The following ATF1 variants were observed in gnomAD, a reference collection of about 807,000 sequenced individuals.
ATF1 encodes the protein cyclic AMP-dependent transcription factor ATF-1.
Under a neutral mutation model 34.7 loss-of-function variants are expected in ATF1, and 16 were observed. The ratio of observed to expected loss-of-function variants is 0.46; its 90% CI spans 0.31 to 0.70. ATF1 has a LOEUF of 0.70. Among genes scored for constraint, ATF1 ranks in the 30% least tolerant of loss-of-function variants. The probability of loss-of-function intolerance (pLI) is 0.05; values close to 1 mark genes in which losing one functional copy is unlikely to be tolerated. For synonymous variants in ATF1, 105 were observed against 113.1 expected (o/e 0.93, Z 0.46); for missense variants, 255 against 321.6 (o/e 0.79, Z 1.58).
At chr12:50,765,400 A>T (rs1198254387) in intron 1 of ATF1, among the ~76,000 whole-genome samples, 1 of 152,238 alleles carries the variant, frequency 6.6e-6, no homozygotes, top group Non-Finnish European at 1.5e-5. Context: ...GTTATCTTTT[A>T]GGGTTAGGTT....
At chr12:50,799,091 A>C (rs914871797) in intron 3 of ATF1, among the ~76,000 whole-genome samples, 3 of 152,198 alleles carry the variant, frequency 2.0e-5, no homozygotes, top group African/African-American at 7.2e-5. Flanking sequence ...ATACCTTCTA[A>C]AACAAGAATA....
At chr12:50,780,652 TAAAA>T (rs112410474) in intron 2 of ATF1, among the ~76,000 whole-genome samples, 1 of 139,722 alleles carries the variant, frequency 7.2e-6, no homozygotes, top group Non-Finnish European at 1.5e-5. Flanking sequence ...GCATTAATGT[TAAAA>T]AAAAAAAAAA....
In ATF1 at chr12:50,780,175, A is replaced by G; in HGVS notation, c.30A>G (p.Ser10=). 5 of 1,613,788 alleles carry G rather than the reference A, an allele frequency of 3.1e-6. No homozygotes were observed. The highest frequency in any genetic ancestry group is 4.2e-6 in the Non-Finnish European group (5 of 1,179,772). MEDSHKSTT[S]ETAPQPGSAV... ...AAGATTCCCACAAGAGTACCACGTC[A>G]GAGACAGCACCTCAACCTGGTTCAG... Residue 10 remains serine (S), a synonymous_variant, in exon 2 of 7, where the codon TCA becomes TCG. Coordinates refer to ENST00000262053, the MANE Select transcript of ATF1 (RefSeq NM_005171.5).
At chr12:50,802,225 A>G (rs1941525507) in intron 3 of ATF1, among the ~76,000 whole-genome samples, 1 of 152,200 alleles carries the variant, frequency 6.6e-6, no homozygotes, top group Non-Finnish European at 1.5e-5. Flanking sequence ...AACAAAAGAA[A>G]CAGAACACAT....
At chr12:50,812,601 G>C (rs546332087) in intron 4 of ATF1, among the ~76,000 whole-genome samples, 1 of 152,186 alleles carries the variant, frequency 6.6e-6, no homozygotes, top group African/African-American at 2.4e-5. Flanking sequence ...GGAGGCCAAA[G>C]TGGGAGGATC....
At chr12:50,812,446 T>C (rs1941756523) in intron 4 of ATF1, among the ~76,000 whole-genome samples, 1 of 152,180 alleles carries the variant, frequency 6.6e-6, no homozygotes, top group Non-Finnish European at 1.5e-5. Flanking sequence ...TTATTTATGT[T>C]GATACTTATA....
chr12:50,800,417 T>C (rs1245550317), intron 3 of ATF1, among the ~76,000 whole-genome samples: 1 of 152,058 alleles, frequency 6.6e-6, no homozygotes, highest in Non-Finnish European at 1.5e-5. Context: ...GCAACAGAAA[T>C]ATCTGGGCAA....
chr12:50,771,614 GC>G (rs1032078846), intron 1 of ATF1, among the ~76,000 whole-genome samples: 1 of 152,078 alleles, frequency 6.6e-6, no homozygotes, highest in Admixed American at 6.5e-5. Context: ...AATGTCAGAG[GC>G]GTATGAACCA....
chr12:50,814,448 T>TA lies in ATF1; in HGVS notation c.671+13dup. On this transcript the variant is annotated intron_variant, in intron 6 of 6. Coordinates refer to ENST00000262053, the MANE Select transcript of ATF1 (RefSeq NM_005171.5). ...AGGTTAATGAAAAACAGGTAGGTAG[T>TA]AAAATCGTAGTACCAGAATGGGTAA... 6.2e-7 allele frequency: 1 copy of TA among 1,612,476 alleles called. No homozygotes were observed. Among genetic ancestry groups the TA allele is most frequent in the Non-Finnish European group, 8.5e-7 (1 of 1,179,014 alleles).
intron 6 of ATF1, 141 bp from the exon 7 acceptor site, chr12:50,819,494 A>T: frequency 1.0e-6 from 1 of 959,792 alleles, no homozygotes; most frequent in Non-Finnish European, 1.5e-6. Context: ...TGAATTCTAC[A>T]CTTAAGATCT....
intron 6 of ATF1, among the ~76,000 whole-genome samples, chr12:50,814,781 C>G (rs927060026): frequency 6.7e-6 from 1 of 150,166 alleles, no homozygotes; most frequent in Non-Finnish European, 1.5e-5. Context: ...TATGAATTTA[C>G]TATACTTTTA....
intron 2 of ATF1, among the ~76,000 whole-genome samples, chr12:50,794,338 A>G (rs747861974): frequency 6.7e-6 from 1 of 149,892 alleles, no homozygotes; most frequent in African/African-American, 2.4e-5. Context: ...AGGCTGAGGC[A>G]GGTGGATCAT....
At chr12:50,818,052 C>T (rs1941878801) in intron 6 of ATF1, among the ~76,000 whole-genome samples, 1 of 152,034 alleles carries the variant, frequency 6.6e-6, no homozygotes, top group Admixed American at 6.5e-5. Context: ...TTTTTTCCCC[C>T]CTTATTTCTC....
intron 1 of ATF1, among the ~76,000 whole-genome samples, chr12:50,772,932 C>G (rs909620813): frequency 3.9e-5 from 6 of 152,192 alleles, no homozygotes; most frequent in Admixed American, 3.3e-4. Flanking sequence ...GCACCCTCCT[C>G]CACAGGCCCC....
At chr12:50,806,276 T>C (rs1592196446) in intron 3 of ATF1, 1 of 248,260 alleles carries the variant, frequency 4.0e-6, no homozygotes, top group East Asian at 9.5e-5. Flanking sequence ...AACCTCTCCA[T>C]TGGCCCATAC....
intron 1 of ATF1, among the ~76,000 whole-genome samples, chr12:50,774,752 G>GTTTTT (rs63149060): frequency 7.1e-6 from 1 of 141,168 alleles, no homozygotes; most frequent in Non-Finnish European, 1.6e-5. Flanking sequence ...TTTTGTTTTT[G>GTTTTT]TTTTTTTTTT....
rs1941941818 is a variant in ATF1 at position 50,821,157 on chromosome 12, T to C, written c.*1378T>C. 5.8e-6 allele frequency: 1 copy of C among 173,852 alleles called. No homozygotes were observed. Among genetic ancestry groups the C allele is most frequent in the South Asian group, 2.0e-4 (1 of 5,010 alleles). 10.8% of individuals were successfully genotyped at this position (173,852 alleles called of 1,614,324 possible). A position where few individuals can be genotyped will look rare whatever the true frequency, so the allele number is the denominator to read the frequency against. ...TAAAATATAATGCTTGGTATATGAA[T>C]GATAAGCTTGCTCCTGGCCATGCTG... is the stretch of plus-strand genomic sequence containing the variant. On this transcript the variant is annotated 3_prime_UTR_variant, in exon 7 of 7. Transcript: ENST00000262053.
chr12:50,804,552 G>A (rs990809715), intron 3 of ATF1, among the ~76,000 whole-genome samples: 1 of 152,142 alleles, frequency 6.6e-6, no homozygotes, highest in African/African-American at 2.4e-5. Flanking sequence ...GCGTGGTGAT[G>A]TGTGCCTCTG....
intron 1 of ATF1, among the ~76,000 whole-genome samples, chr12:50,778,586 A>G (rs941182813): frequency 2.7e-5 from 4 of 149,694 alleles, no homozygotes; most frequent in African/African-American, 7.4e-5. Context: ...TGTACAACCA[A>G]TGTCCAGAAC....
Sources: gnomAD v4.1 joint callset for allele counts (sites outside exome capture counted in the v4.1 genomes callset) on GRCh38, gnomAD v4.1.1 for gene constraint, MANE v1.5 for transcripts, NCBI Gene and HGNC (gene_info 2026-07-23, HGNC 2026-07-21) for gene names.